Variants in DAB1 observed in about 807,000 individuals in gnomAD.
The protein encoded by DAB1 is disabled homolog 1.
In DAB1, 15 loss-of-function variants were observed where a neutral mutation model predicts 64.6. The observed-to-expected ratio is 0.23, with a 90% CI of 0.16 to 0.36. The LOEUF (loss-of-function observed/expected upper bound fraction) is 0.36, where lower values mean the gene tolerates loss of function less well. Among genes scored for constraint, DAB1 ranks in the 10% least tolerant of loss-of-function variants. The probability of loss-of-function intolerance (pLI) is 1.00; values close to 1 mark genes in which losing one functional copy is unlikely to be tolerated. For synonymous variants in DAB1, 235 were observed against 251.9 expected (o/e 0.93, Z 0.64); for missense variants, 596 against 706.7 (o/e 0.84, Z 1.78).
intron 5 of DAB1, among the ~76,000 whole-genome samples, chr1:58,064,372 G>C (rs772517562): frequency 6.6e-6 from 1 of 152,188 alleles, no homozygotes; most frequent in Non-Finnish European, 1.5e-5. Flanking sequence ...AGTCACCATG[G>C]AGACCACGTT....
chr1:58,290,920 T>C lies in DAB1; in HGVS notation n.309+52432A>G, dbSNP rs494355. The stretch of plus-strand genomic sequence containing the variant: ...CTGCAGACCCGAGGGTCAGCCAATG[T>C]AGAGAAAACCAGGAGATCCACAAAT... On this transcript the variant is annotated intron_variant and non_coding_transcript_variant, in intron 4 of 20. Transcript: ENST00000485760. Among the ~76,000 whole-genome samples the C allele has an allele frequency of 3.0e-3, 462 of 152,066 alleles. 4 individuals carry two copies. Among genetic ancestry groups the C allele is most frequent in the African/African-American group, 0.011 (443 of 41,476 alleles).
At chr1:57,925,111 C>T (rs987813837) in intron 5 of DAB1, among the ~76,000 whole-genome samples, 1 of 152,132 alleles carries the variant, frequency 6.6e-6, no homozygotes, top group Non-Finnish European at 1.5e-5. Flanking sequence ...TCAAGTTCAG[C>T]TTTTCTTCTA....
intron 6 of DAB1, among the ~76,000 whole-genome samples, chr1:57,797,048 T>C (rs916246508): frequency 5.3e-5 from 8 of 152,204 alleles, no homozygotes; most frequent in African/African-American, 1.7e-4. Context: ...TTGCTCATTC[T>C]AGAGTCCTGA....
chr1:58,047,137 G>A (rs534563685), intron 5 of DAB1, among the ~76,000 whole-genome samples: 57 of 152,026 alleles, frequency 3.7e-4, no homozygotes, highest in African/African-American at 1.4e-3. Context: ...ATTATGCCAT[G>A]GATTGTGTCA....
At chr1:57,951,317 C>CATGTATATATATATATATATATAT (rs1645271567) in intron 5 of DAB1, among the ~76,000 whole-genome samples, 2 of 69,810 alleles carry the variant, frequency 2.9e-5, no homozygotes, top group African/African-American at 8.3e-5. Context: ...GAGCCTGATT[C>CATGTATATATATATATATATATAT]ATATATATAT....
In DAB1 at chr1:58,358,754, G is replaced by A. The variant is rs145160983; in HGVS notation, n.258-15351C>T. The stretch of plus-strand genomic sequence containing the variant: ...TGCATATATACCAGTCAAATCCTAA[G>A]ATCCCCTTTGGATATGATTTCCAGA... On this transcript the variant is annotated intron_variant and non_coding_transcript_variant, in intron 3 of 20. Transcript: ENST00000485760. Among the ~76,000 whole-genome samples, 6 of 152,250 alleles carry A rather than the reference G, an allele frequency of 3.9e-5. No individual in the cohort carries two copies. In the East Asian group the frequency reaches 1.2e-3, roughly 29 times the overall value.
intron 3 of DAB1, among the ~76,000 whole-genome samples, chr1:58,469,189 C>A (rs1320406609): frequency 6.6e-6 from 1 of 152,188 alleles, no homozygotes; most frequent in African/African-American, 2.4e-5. Flanking sequence ...ATCCAAGAGG[C>A]TCCATGGTAA....
chr1:57,976,919 G>C (rs754668866), intron 5 of DAB1, among the ~76,000 whole-genome samples: 14 of 152,076 alleles, frequency 9.2e-5, no homozygotes, highest in Non-Finnish European at 1.9e-4. Flanking sequence ...TTTTAATCCA[G>C]ATCCTTGCCA....
At chr1:58,545,110 C>T (rs113121902) in intron 1 of DAB1, among the ~76,000 whole-genome samples, 4,260 of 152,202 alleles carry the variant, frequency 0.028, 189 homozygotes, top group African/African-American at 0.096. Flanking sequence ...CTCCAGGCAC[C>T]TTCCCCAACC....
chr1:57,448,256 T>C (rs1686223737), intron 7 of DAB1, among the ~76,000 whole-genome samples: 1 of 152,234 alleles, frequency 6.6e-6, no homozygotes, highest in Admixed American at 6.5e-5. Context: ...CAAGGGTACA[T>C]ATGTGAAGTA....
At chr1:58,373,921 G>A (rs1461249737) in intron 3 of DAB1, among the ~76,000 whole-genome samples, 1 of 150,012 alleles carries the variant, frequency 6.7e-6, no homozygotes, top group African/African-American at 2.5e-5. Context: ...GCATTTCTCT[G>A]ATGGCCAGTG....
In DAB1 at chr1:57,836,300, G is replaced by A. The variant is rs115802084; in HGVS notation, n.88-9845C>T. 9.2e-3 allele frequency among the ~76,000 whole-genome samples: 1,397 copies of A among 152,328 alleles called. 21 individuals carry two copies. Among genetic ancestry groups the A allele is most frequent in the African/African-American group, 0.033 (1,355 of 41,576 alleles). ...TCTGAGGTAAAGAAAGGTTTTGACT[G>A]TTGGTCTGAAGTGTTCCATGCCTAT... On this transcript the variant is annotated intron_variant and non_coding_transcript_variant, in intron 1 of 1. Coordinates refer to the DAB1 transcript ENST00000477280.
At chr1:57,334,837 G>T (rs536941003) in intron 1 of DAB1, among the ~76,000 whole-genome samples, 28 of 152,182 alleles carry the variant, frequency 1.8e-4, no homozygotes, top group Non-Finnish European at 3.8e-4. Context: ...GGCTTCAACA[G>T]TACCTCTCAC....
chr1:57,087,403 G>A (rs1202753376), intron 4 of DAB1, among the ~76,000 whole-genome samples: 1 of 152,248 alleles, frequency 6.6e-6, no homozygotes, highest in Non-Finnish European at 1.5e-5. Context: ...AAGAAATAAG[G>A]AGTCACCAAG....
intron 11 of DAB1, among the ~76,000 whole-genome samples, chr1:57,021,833 G>C (rs1357442195): frequency 6.6e-6 from 1 of 151,970 alleles, no homozygotes; most frequent in Non-Finnish European, 1.5e-5. Flanking sequence ...CCTCTGCCTG[G>C]AGTACCTGGA....
intron 3 of DAB1, among the ~76,000 whole-genome samples, chr1:58,388,430 A>G (rs1644451252): frequency 6.6e-6 from 1 of 152,220 alleles, no homozygotes; most frequent in Non-Finnish European, 1.5e-5. Flanking sequence ...ACGGTCATGT[A>G]GTTCCTATCC....
At chr1:57,106,869 TA>T (rs1557732112) in intron 4 of DAB1, among the ~76,000 whole-genome samples, 1 of 151,978 alleles carries the variant, frequency 6.6e-6, no homozygotes. Flanking sequence ...AAACACATTA[TA>T]AAAAAATAAA....
At chr1:58,444,191 A>G (rs1645041159) in intron 3 of DAB1, among the ~76,000 whole-genome samples, 1 of 152,230 alleles carries the variant, frequency 6.6e-6, no homozygotes, top group South Asian at 2.1e-4. Flanking sequence ...CTTTTGAGCA[A>G]CATATGAGGA....
intron 1 of DAB1, among the ~76,000 whole-genome samples, chr1:57,836,237 G>A (rs2101909736): frequency 6.6e-6 from 1 of 152,304 alleles, no homozygotes; most frequent in South Asian, 2.1e-4. Context: ...ATGGAAGCTA[G>A]AAAGGTGATG....
Sources: gnomAD v4.1 joint callset for allele counts (sites outside exome capture counted in the v4.1 genomes callset) on GRCh38, gnomAD v4.1.1 for gene constraint, MANE v1.5 for transcripts, NCBI Gene and HGNC (gene_info 2026-07-23, HGNC 2026-07-21) for gene names.